The following HNRNPUL2 variants were observed in gnomAD, a reference collection of about 807,000 sequenced individuals.
HNRNPUL2 encodes the protein heterogeneous nuclear ribonucleoprotein U like 2, also known as heterogeneous nuclear ribonucleoprotein U-like protein 2.
Under a neutral mutation model 102.2 loss-of-function variants are expected in HNRNPUL2, and 27 were observed. The observed-to-expected ratio is 0.26, with a 90% CI of 0.19 to 0.36. The LOEUF is 0.36. Ranked by LOEUF, HNRNPUL2 falls within the 10% of genes least tolerant of loss-of-function variation. The pLI is 1.00. For missense variants in HNRNPUL2, 936 were observed against 981.1 expected, an observed-to-expected ratio of 0.95 and a Z score of 0.61; for synonymous variants, 458 against 387.2, an observed-to-expected ratio of 1.18 and a Z score of -2.15.
Position 62,726,705 on chromosome 11 carries a change from T to A in HNRNPUL2, c.452A>T (p.Lys151Met). 1.2e-6 allele frequency: 2 copies of A among 1,600,514 alleles called. No individual in the cohort carries two copies. The highest frequency in any genetic ancestry group is 4.5e-5 in the East Asian group (2 of 44,852). Residue 151 changes from lysine (K) to methionine (M), a missense_variant, in exon 1 of 14, where the codon AAG becomes ATG. Physicochemically the swap from Lys to Met is moderately conservative, Grantham distance 95. Around this residue, in one of 2 missense-constraint regions of HNRNPUL2, gnomAD observed 327 missense variants for 268.1 expected, o/e 1.22. Coordinates refer to ENST00000301785, the MANE Select transcript of HNRNPUL2 (RefSeq NM_001079559.3). The stretch of plus-strand genomic sequence containing the variant: ...CTCCTCGGGTTCGTCTTCCTCCCTC[T>A]TGCCGAGGCCCTGCTCTTCGCCACC... The part of the protein sequence containing the change: ...VNGGEEQGLG[K>M]REEDEPEERS...
intron 10 of HNRNPUL2, among the ~76,000 whole-genome samples, chr11:62,718,226 T>G (rs2134771419): frequency 6.6e-6 from 1 of 152,272 alleles, no homozygotes; most frequent in East Asian, 1.9e-4. Flanking sequence ...TTTAAGGGAA[T>G]AGGAGGATCA....
intron 11 of HNRNPUL2, among the ~76,000 whole-genome samples, chr11:62,716,422 CACACACACAT>C (rs1459402965): frequency 2.6e-5 from 4 of 152,256 alleles, no homozygotes; most frequent in South Asian, 2.1e-4. Flanking sequence ...TTAACAGTTA[CACACACACAT>C]ACACACACAT....
At chr11:62,715,746 CAT>C in intron 12 of HNRNPUL2, 116 bp downstream of exon 12, 1 of 1,146,156 alleles carries the variant, frequency 8.7e-7, no homozygotes. Flanking sequence ...TCTTCCAGAA[CAT>C]ATTAAATGGG....
At position 62,722,369 on chromosome 11, in the gene HNRNPUL2, A is replaced by G. The variant is rs758345177; in HGVS notation, c.1107T>C (p.Thr369=). The G allele has an allele frequency of 1.5e-5, 25 of 1,613,644 alleles. No individual in the cohort carries two copies. Among genetic ancestry groups the G allele is most frequent in the African/African-American group, 2.7e-5 (2 of 74,892 alleles). The change falls in exon 7 of 14, where the codon ACT becomes ACC. Residue 369 remains threonine, a synonymous_variant. Coordinates refer to ENST00000301785, the MANE Select transcript of HNRNPUL2 (RefSeq NM_001079559.3). ...TGGAGAAGGAAAGTTCTACTTCTTC[A>G]GTCTCAAAATTCTACAATGACAAGG... is the stretch of plus-strand genomic sequence containing the variant. ...DVIGCFANFE[T]EEVELSFSKN... is the part of the protein sequence containing the mutation.
Position 62,721,435 on chromosome 11 carries a change from GAGAGGAAGT to G in HNRNPUL2, c.1483-21_1483-13del. On this transcript the variant is annotated splice_polypyrimidine_tract_variant and intron_variant, in intron 8 of 13. Transcript: ENST00000301785. ...TCGAGACCCTTCATCTGATTAGTTT[GAGAGGAAGT>G]GAAAAAAAAAAACAAAACACAAGTT... is the stretch of plus-strand genomic sequence containing the variant. 1 of 1,490,890 alleles carries G rather than the reference GAGAGGAAGT, an allele frequency of 6.7e-7. No individual in the cohort carries two copies. The highest frequency in any genetic ancestry group is 8.9e-7 in the Non-Finnish European group (1 of 1,129,262). 92.4% of individuals were successfully genotyped at this position (1,490,890 alleles called of 1,614,324 possible).
intron 1 of HNRNPUL2, among the ~76,000 whole-genome samples, chr11:62,725,424 T>C (rs1340782997): frequency 1.3e-5 from 2 of 152,192 alleles, no homozygotes; most frequent in Non-Finnish European, 2.9e-5. Context: ...GGTCTCAAAC[T>C]CCTGACCTCA....
At chr11:62,719,138 TTCTG>T (rs2083682079) in intron 10 of HNRNPUL2, among the ~76,000 whole-genome samples, 1 of 152,010 alleles carries the variant, frequency 6.6e-6, no homozygotes, top group South Asian at 2.1e-4. Context: ...CTATTTCCCT[TTCTG>T]TATCTTTTTC....
In HNRNPUL2 at chr11:62,723,740, A is replaced by G. The variant is rs1305381319; in HGVS notation, c.752-14T>C. On this transcript the variant is annotated splice_polypyrimidine_tract_variant and intron_variant, in intron 3 of 13. Transcript: ENST00000301785. ...GATCCGAGGTATCTGTAAAGAAAGA[A>G]GCAATCAGTTTACTCCAATGTCCAA... The G allele has an allele frequency of 1.9e-6, 3 of 1,614,110 alleles. No individual in the cohort carries two copies. In the South Asian group the frequency reaches 3.3e-5, roughly 18 times the overall value.
chr11:62,721,167 A>G, intron 9 of HNRNPUL2, 128 bp downstream of exon 9: 1 of 886,692 alleles, frequency 1.1e-6, no homozygotes, highest in South Asian at 1.7e-5. Context: ...CTCTGAGTTC[A>G]AAAAACATTG....
intron 3 of HNRNPUL2, 23 bp downstream of exon 3, chr11:62,723,891 C>A: frequency 3.1e-6 from 5 of 1,609,294 alleles, no homozygotes; most frequent in Non-Finnish European, 4.2e-6. Flanking sequence ...TTAAAAACCA[C>A]AGTCTGTCTG....
At chr11:62,726,255 C>G (rs1316765289) in intron 1 of HNRNPUL2, among the ~76,000 whole-genome samples, 2 of 152,184 alleles carry the variant, frequency 1.3e-5, no homozygotes, top group African/African-American at 2.4e-5. Flanking sequence ...GACCCTCTAA[C>G]TGTGGGCCTA....
At chr11:62,723,840 C>T (rs2083723153) in intron 3 of HNRNPUL2, 74 bp downstream of exon 3, 2 of 1,599,234 alleles carry the variant, frequency 1.3e-6, no homozygotes, top group South Asian at 1.1e-5. Context: ...AATTTATAGG[C>T]TATGAAGTTT....
Position 62,727,183 on chromosome 11 carries a change from G to T in HNRNPUL2, c.-27C>A. The T allele has an allele frequency of 7.1e-7, 1 of 1,405,830 alleles. No individual in the cohort carries two copies. The highest frequency in any genetic ancestry group is 9.3e-7 in the Non-Finnish European group (1 of 1,079,718). 87.1% of individuals were successfully genotyped at this position (1,405,830 alleles called of 1,614,324 possible). The stretch of plus-strand genomic sequence containing the variant: ...GCCGCCGCCGCCTCCTCCGCCTCCC[G>T]CCGCCTCCTCCCCTGCGAACCGTCG... On this transcript the variant is annotated 5_prime_UTR_variant, in exon 1 of 14. Coordinates refer to ENST00000301785, the MANE Select transcript of HNRNPUL2 (RefSeq NM_001079559.3).
In HNRNPUL2 at chr11:62,715,274, C is replaced by T. The variant is rs2083651152; in HGVS notation, c.*25G>A. 6.3e-7 allele frequency: 1 copy of T among 1,588,984 alleles called. No homozygotes were observed. Among genetic ancestry groups the T allele is most frequent in the Non-Finnish European group, 8.6e-7 (1 of 1,162,346 alleles). Reference sequence around the variant, plus strand: ...CACCCCCAGAGATTCAGCTTCATGGCTGACAGGTGACCATGGCAGGGGCTT... The same window carrying T: ...CACCCCCAGAGATTCAGCTTCATGGTTGACAGGTGACCATGGCAGGGGCTT... On this transcript the variant is annotated 3_prime_UTR_variant, in exon 14 of 14. Transcript: ENST00000301785.
At chr11:62,726,065 C>G (rs2083742920) in intron 1 of HNRNPUL2, among the ~76,000 whole-genome samples, 1 of 152,208 alleles carries the variant, frequency 6.6e-6, no homozygotes, top group African/African-American at 2.4e-5. Context: ...AACTATTAAA[C>G]TCGACACTGT....
In HNRNPUL2 at chr11:62,727,108, G is replaced by A; in HGVS notation, c.49C>T (p.Arg17Trp). 6.9e-7 allele frequency: 1 copy of A among 1,447,176 alleles called. No individual in the cohort carries two copies. The highest frequency in any genetic ancestry group is 1.3e-5 in the South Asian group (1 of 75,720). The allele number at this position is 1,447,176 out of a possible 1,614,324, so 89.6% of individuals were successfully genotyped here. The change falls in exon 1 of 14, where the codon CGG (arginine) becomes TGG (tryptophan). Residue 17 changes from arginine to tryptophan, a missense_variant. By Grantham distance (101) the Arg-to-Trp change is moderately radical. Around this residue, in one of 2 missense-constraint regions of HNRNPUL2, gnomAD observed 327 missense variants for 268.1 expected, o/e 1.22. Transcript: ENST00000301785. ...KVTELRSELQRRGLDSRGLKV... is the reference protein window; with the variant it reads ...KVTELRSELQWRGLDSRGLKV... ...AGGCCGCGCGAGTCCAGGCCCCGCC[G>A]CTGCAGCTCCGACCGCAGCTCGGTC...
At chr11:62,717,713 AGGC>A in intron 10 of HNRNPUL2, among the ~76,000 whole-genome samples, 1 of 152,106 alleles carries the variant, frequency 6.6e-6, no homozygotes, top group Non-Finnish European at 1.5e-5. Context: ...ACAATTAGCC[AGGC>A]ATGGTGGCAG....
At position 62,723,924 on chromosome 11, in the gene HNRNPUL2, G is replaced by A. The variant is rs1168346154; in HGVS notation, c.741C>T (p.Asn247=). 1 of 1,613,784 alleles carries A rather than the reference G, an allele frequency of 6.2e-7. No homozygotes were observed. Among genetic ancestry groups the A allele is most frequent in the Admixed American group, 1.7e-5 (1 of 59,998 alleles). ...KDEEEDQTLV[N]LDTYTSDLHF... ...CTGCCTTATACATACACGTGTCCAG[G>A]TTCACAAGAGTTTGATCCTCCTCCT... The change falls in exon 3 of 14, where the codon AAC becomes AAT. Residue 247 remains asparagine (N), a synonymous_variant. Coordinates refer to ENST00000301785, the MANE Select transcript of HNRNPUL2 (RefSeq NM_001079559.3).
Position 62,726,788 on chromosome 11 carries a change from G to A in HNRNPUL2, c.369C>T (p.Ala123=), listed in dbSNP as rs371340397. Residue 123 remains alanine, a synonymous_variant, in exon 1 of 14, where the codon GCC becomes GCT. Transcript: ENST00000301785. ...CCGGCTTCTCGGAAGCATCTGGCTC[G>A]GCCGCGGCCTCCATGGCTGCCGCCT... The part of the protein sequence containing the change: ...PPEAAAMEAA[A]EPDASEKPAE... 4 of 1,599,432 alleles carry A rather than the reference G, an allele frequency of 2.5e-6. No homozygotes were observed. Among genetic ancestry groups the A allele is most frequent in the Non-Finnish European group, 3.4e-6 (4 of 1,178,912 alleles).
Sources: allele counts gnomAD v4.1 joint callset (sites outside exome capture counted in the v4.1 genomes callset), GRCh38; gene constraint gnomAD v4.1.1; regional missense constraint gnomAD v4.1.1; transcripts MANE v1.5; gene names NCBI Gene and HGNC (gene_info 2026-07-23, HGNC 2026-07-21).